Variants in IGFBP7 observed in about 807,000 individuals in gnomAD.
IGFBP7 encodes insulin like growth factor binding protein 7.
In IGFBP7, 31 loss-of-function variants were observed where a neutral mutation model predicts 29.4. The ratio of observed to expected loss-of-function variants is 1.05; its 90% CI spans 0.79 to 1.42. IGFBP7 has a LOEUF of 1.42. IGFBP7 is among the 40% of genes most tolerant of loss of function. The probability of loss-of-function intolerance (pLI) is 0.00; values close to 1 mark genes in which losing one functional copy is unlikely to be tolerated. For missense variants in IGFBP7, 393 were observed against 395.5 expected, an observed-to-expected ratio of 0.99 and a Z score of 0.05; for synonymous variants, 172 against 174.9, an observed-to-expected ratio of 0.98 and a Z score of 0.13.
chr4:57,084,178 GATTA>G (rs972827418), intron 1 of IGFBP7, among the ~76,000 whole-genome samples: 1 of 152,086 alleles, frequency 6.6e-6, no homozygotes, highest in African/African-American at 2.4e-5. Flanking sequence ...GATTATATAT[GATTA>G]ATTTTGTCTC....
At chr4:57,072,649 A>ATAAAGGT (rs10659960) in intron 1 of IGFBP7, 244,362 of 296,090 alleles carry the variant, frequency 0.83, 101,365 homozygotes, top group East Asian at 0.94. Flanking sequence ...GCTGCTGCCT[A>ATAAAGGT]GCCACCACCA....
At chr4:57,033,940 A>C (rs1310400607) in intron 2 of IGFBP7, among the ~76,000 whole-genome samples, 1 of 150,170 alleles carries the variant, frequency 6.7e-6, no homozygotes, top group African/African-American at 2.5e-5. Flanking sequence ...AGTCCCAGCT[A>C]CTCTGGAGGC....
At chr4:57,098,326 A>G (rs1302705420) in intron 1 of IGFBP7, among the ~76,000 whole-genome samples, 1 of 152,198 alleles carries the variant, frequency 6.6e-6, no homozygotes, top group East Asian at 1.9e-4. Flanking sequence ...TCAGTCAGAC[A>G]AGAGAAAGGG....
At chr4:57,100,233 C>A (rs1248161362) in intron 1 of IGFBP7, among the ~76,000 whole-genome samples, 4 of 151,896 alleles carry the variant, frequency 2.6e-5, no homozygotes, top group Non-Finnish European at 5.9e-5. Context: ...CTGTGCCTGG[C>A]CAATTAACAA....
chr4:57,102,561 T>C (rs1239746527), intron 1 of IGFBP7, among the ~76,000 whole-genome samples: 1 of 152,326 alleles, frequency 6.6e-6, no homozygotes, highest in East Asian at 1.9e-4. Flanking sequence ...TCCAGGCCTT[T>C]TAATGCTGTC....
chr4:57,032,234 T>C, intron 4 of IGFBP7, 192 bp downstream of exon 4: 1 of 1,392,462 alleles, frequency 7.2e-7, no homozygotes, highest in Non-Finnish European at 9.3e-7. Flanking sequence ...ATAATAACGA[T>C]GTTCAGTCAC....
chr4:57,032,418 T>C lies in IGFBP7; in HGVS notation c.829+8A>G. 1 of 1,613,754 alleles carries C rather than the reference T, an allele frequency of 6.2e-7. No homozygotes were observed. The highest frequency in any genetic ancestry group is 8.5e-7 in the Non-Finnish European group (1 of 1,179,712). The stretch of plus-strand genomic sequence containing the variant: ...CATTTTTAAATGGCTGTGAGATTTA[T>C]TGTGTACCTTTTTTCACTGGTATTT... On this transcript the variant is annotated splice_region_variant and intron_variant, in intron 4 of 4. Transcript: ENST00000295666.
intron 3 of IGFBP7, among the ~76,000 whole-genome samples, 182 bp from the exon 4 acceptor site, chr4:57,032,734 G>C (rs1013527973): frequency 2.6e-5 from 4 of 152,192 alleles, no homozygotes; most frequent in African/African-American, 9.7e-5. Flanking sequence ...TTGGTTTGCT[G>C]AGGATTCATA....
At chr4:57,076,607 G>A (rs1318908970) in intron 1 of IGFBP7, among the ~76,000 whole-genome samples, 2 of 152,206 alleles carry the variant, frequency 1.3e-5, no homozygotes, top group African/African-American at 4.8e-5. Flanking sequence ...GTGAAGAGTA[G>A]AACCGACAGA....
chr4:57,079,882 T>C (rs560287621), intron 1 of IGFBP7, among the ~76,000 whole-genome samples: 2 of 152,352 alleles, frequency 1.3e-5, no homozygotes, highest in African/African-American at 4.8e-5. Context: ...CTCATCCATA[T>C]ATTATCTCAG....
chr4:57,052,325 C>T lies in IGFBP7; in HGVS notation c.476-11392G>A, dbSNP rs149906074. ...GCACCATGAACAGAAGCAGGGGTGT[C>T]AGTCTGAGGAAGGTGCTGGATTGAA... On this transcript the variant is annotated intron_variant, in intron 1 of 4. Coordinates refer to ENST00000295666, the MANE Select transcript of IGFBP7 (RefSeq NM_001553.3). Among the ~76,000 whole-genome samples, 330 of 152,150 alleles carry T rather than the reference C, an allele frequency of 2.2e-3. 5 individuals are homozygous for T. The East Asian group carries it at 0.032, about 15-fold the overall frequency.
At chr4:57,057,639 TC>T (rs1560496646) in intron 1 of IGFBP7, among the ~76,000 whole-genome samples, 1 of 152,164 alleles carries the variant, frequency 6.6e-6, no homozygotes, top group East Asian at 1.9e-4. Flanking sequence ...TGTTTATGCC[TC>T]CCTCATCCTT....
chr4:57,042,442 C>T (rs555962550), intron 1 of IGFBP7, among the ~76,000 whole-genome samples: 22 of 152,304 alleles, frequency 1.4e-4, no homozygotes, highest in African/African-American at 2.9e-4. Flanking sequence ...CTCCGCCTCC[C>T]GGGTTCAAGC....
intron 2 of IGFBP7, among the ~76,000 whole-genome samples, chr4:57,038,325 C>T (rs567507401): frequency 6.6e-6 from 1 of 152,314 alleles, no homozygotes; most frequent in Non-Finnish European, 1.5e-5. Flanking sequence ...GAGTTGATAT[C>T]TCCCACTGCA....
At chr4:57,086,763 C>T (rs1042639837) in intron 1 of IGFBP7, among the ~76,000 whole-genome samples, 7 of 152,126 alleles carry the variant, frequency 4.6e-5, no homozygotes, top group South Asian at 4.1e-4. Flanking sequence ...TTCCGAGTTT[C>T]GCTCTTGTTG....
At chr4:57,103,656 T>TTTC (rs1725953428) in intron 1 of IGFBP7, among the ~76,000 whole-genome samples, 1 of 55,562 alleles carries the variant, frequency 1.8e-5, no homozygotes, top group Non-Finnish European at 3.2e-5. Context: ...TTTTTTTTTC[T>TTTC]TTTCTTTTTT....
chr4:57,039,732 C>A (rs1724173759), intron 2 of IGFBP7, among the ~76,000 whole-genome samples: 1 of 145,322 alleles, frequency 6.9e-6, no homozygotes, highest in Non-Finnish European at 1.5e-5. Flanking sequence ...TCAAGGGGTT[C>A]TTCCACCTTA....
chr4:57,086,799 T>C (rs1161915136), intron 1 of IGFBP7, among the ~76,000 whole-genome samples: 6 of 152,216 alleles, frequency 3.9e-5, no homozygotes, highest in African/African-American at 1.4e-4. Flanking sequence ...AGTGGCGCGA[T>C]CTCAGCTCAC....
intron 1 of IGFBP7, chr4:57,073,256 T>C: frequency 1.7e-6 from 1 of 583,106 alleles, no homozygotes; most frequent in East Asian, 3.6e-5. Flanking sequence ...TTATTATTAT[T>C]AGTCTTTTAA....
Sources: allele counts gnomAD v4.1 joint callset (sites outside exome capture counted in the v4.1 genomes callset), GRCh38; gene constraint gnomAD v4.1.1; transcripts MANE v1.5; gene names NCBI Gene and HGNC (gene_info 2026-07-23, HGNC 2026-07-21).